CPED1: variants seen among roughly 807,000 people sequenced by gnomAD.
CPED1 encodes the protein cadherin like and PC-esterase domain containing 1, also known as cadherin-like and PC-esterase domain-containing protein 1.
Under a neutral mutation model 128.2 loss-of-function variants are expected in CPED1, and 114 were observed. The ratio of observed to expected loss-of-function variants is 0.89; its 90% CI spans 0.76 to 1.04. The LOEUF (loss-of-function observed/expected upper bound fraction) is 1.04. Ranked by LOEUF, CPED1 falls within the 50% of genes least tolerant of loss-of-function variation. The probability of loss-of-function intolerance (pLI) is 0.00; values close to 1 mark genes in which losing one functional copy is unlikely to be tolerated. For synonymous variants in CPED1, 462 were observed against 426.7 expected (o/e 1.08, Z -1.02); for missense variants, 1,211 against 1,207.1 (o/e 1.00, Z -0.05).
chr7:121,088,395 C>A (rs1046354867), intron 5 of CPED1, among the ~76,000 whole-genome samples: 1 of 152,136 alleles, frequency 6.6e-6, no homozygotes, highest in East Asian at 1.9e-4. Flanking sequence ...CGCAGTGGCT[C>A]ACGCCTGTAA....
At chr7:121,219,973 T>C (rs993491813) in intron 16 of CPED1, among the ~76,000 whole-genome samples, 3 of 152,060 alleles carry the variant, frequency 2.0e-5, no homozygotes, top group African/African-American at 7.2e-5. Flanking sequence ...TAGGTAAACC[T>C]TGTTCACTGC....
chr7:120,990,140 A>G (rs1272637714), intron 2 of CPED1, among the ~76,000 whole-genome samples: 2 of 152,186 alleles, frequency 1.3e-5, no homozygotes, highest in African/African-American at 2.4e-5. Context: ...GAGGCATAAA[A>G]TGATGTGGAT....
At chr7:121,019,852 C>T (rs567915563) in intron 3 of CPED1, among the ~76,000 whole-genome samples, 22 of 152,048 alleles carry the variant, frequency 1.4e-4, no homozygotes, top group Admixed American at 3.3e-4. Flanking sequence ...GATAGAAGCA[C>T]CATTCAATTA....
chr7:121,269,873 C>T (rs1792198552), intron 21 of CPED1, among the ~76,000 whole-genome samples: 1 of 152,020 alleles, frequency 6.6e-6, no homozygotes, highest in Non-Finnish European at 1.5e-5. Flanking sequence ...GCTCACTGTT[C>T]TGCAGACTAT....
At chr7:121,169,498 A>T (rs28532880) in intron 16 of CPED1, among the ~76,000 whole-genome samples, 15,875 of 152,212 alleles carry the variant, frequency 0.1, 1,393 homozygotes, top group African/African-American at 0.24. Context: ...TTAAGTTCTG[A>T]TAATGATTAA....
chr7:121,259,172 G>T (rs189920140), intron 18 of CPED1, among the ~76,000 whole-genome samples: 3 of 152,088 alleles, frequency 2.0e-5, no homozygotes, highest in African/African-American at 7.2e-5. Context: ...AAGCCCACCT[G>T]CCTATAGGGA....
At chr7:121,114,265 A>G (rs1418013097) in intron 7 of CPED1, among the ~76,000 whole-genome samples, 3 of 152,248 alleles carry the variant, frequency 2.0e-5, no homozygotes, top group Non-Finnish European at 4.4e-5. Flanking sequence ...TCAGATCTCC[A>G]GTGACTAAAA....
intron 6 of CPED1, among the ~76,000 whole-genome samples, chr7:121,098,469 T>TG (rs1225259867): frequency 6.6e-6 from 1 of 151,940 alleles, no homozygotes; most frequent in Non-Finnish European, 1.5e-5. Context: ...CAGTGGCTCA[T>TG]GCCTGGGATC....
At position 121,266,461 on chromosome 7, in the gene CPED1, A is replaced by G. The variant is rs1296787724; in HGVS notation, c.2531+14A>G. 3.8e-6 allele frequency: 6 copies of G among 1,597,068 alleles called. No homozygotes were observed. Among genetic ancestry groups the G allele is most frequent in the African/African-American group, 1.3e-5 (1 of 74,538 alleles). On this transcript the variant is annotated intron_variant, in intron 19 of 22. Transcript: ENST00000310396. ...CCTCTTGCAAAGGTACAATGAAACT[A>G]TAATGAAAGACACAAAACCCACAAA...
chr7:121,071,068 C>G (rs1793977350), intron 5 of CPED1, among the ~76,000 whole-genome samples: 2 of 152,090 alleles, frequency 1.3e-5, no homozygotes, highest in African/African-American at 4.8e-5. Flanking sequence ...GGCCAGATAA[C>G]CTGCACCTTT....
intron 3 of CPED1, among the ~76,000 whole-genome samples, chr7:121,027,071 G>A (rs1018441675): frequency 6.6e-6 from 1 of 151,270 alleles, no homozygotes; most frequent in South Asian, 2.1e-4. Flanking sequence ...GAACTACTGG[G>A]CTCAAGCAAT....
At chr7:121,251,137 C>G (rs1259115551) in intron 18 of CPED1, among the ~76,000 whole-genome samples, 3 of 152,164 alleles carry the variant, frequency 2.0e-5, no homozygotes, top group African/African-American at 7.2e-5. Context: ...GGGCTTCATC[C>G]CTGGGATGCA....
At chr7:121,135,249 GA>G (rs1328381582) in intron 13 of CPED1, among the ~76,000 whole-genome samples, 1 of 151,742 alleles carries the variant, frequency 6.6e-6, no homozygotes, top group African/African-American at 2.4e-5. Flanking sequence ...ATTTTAAAAA[GA>G]AAAAAAGTGA....
At chr7:120,990,624 A>G (rs1271403874) in intron 2 of CPED1, among the ~76,000 whole-genome samples, 1 of 152,210 alleles carries the variant, frequency 6.6e-6, no homozygotes, top group Non-Finnish European at 1.5e-5. Context: ...AGTCAAGTGT[A>G]AAACAGAACA....
In CPED1 at chr7:121,014,721, T is replaced by C. The variant is rs78060428; in HGVS notation, c.250-944T>C. 2.2e-3 allele frequency among the ~76,000 whole-genome samples: 338 copies of C among 152,206 alleles called. 3 individuals carry two copies. Among genetic ancestry groups the C allele is most frequent in the African/African-American group, 7.7e-3 (320 of 41,546 alleles). On this transcript the variant is annotated intron_variant, in intron 2 of 22. Transcript: ENST00000310396. Reference sequence around the variant, plus strand: ...TGGACAGGTTGACTCACAGCTGTCATTGCAAGTAATTTAGATTCCCAATTG... The same window carrying C: ...TGGACAGGTTGACTCACAGCTGTCACTGCAAGTAATTTAGATTCCCAATTG...
At chr7:121,067,567 A>T (rs1475150883) in intron 5 of CPED1, among the ~76,000 whole-genome samples, 1 of 152,066 alleles carries the variant, frequency 6.6e-6, no homozygotes, top group Non-Finnish European at 1.5e-5. Flanking sequence ...AGTGCCGCAA[A>T]AAACATACGT....
At chr7:121,273,924 G>A (rs1792283204) in intron 22 of CPED1, among the ~76,000 whole-genome samples, 2 of 152,260 alleles carry the variant, frequency 1.3e-5, no homozygotes, top group South Asian at 2.1e-4. Context: ...GATCACAGCT[G>A]GCTAAAAAAG....
At chr7:121,201,653 A>G (rs2116565810) in intron 16 of CPED1, among the ~76,000 whole-genome samples, 1 of 152,194 alleles carries the variant, frequency 6.6e-6, no homozygotes, top group Admixed American at 6.5e-5. Flanking sequence ...TCATACCTCT[A>G]CCTGGTAAGC....
intron 7 of CPED1, among the ~76,000 whole-genome samples, chr7:121,109,293 G>A (rs1461348043): frequency 2.0e-5 from 3 of 152,068 alleles, no homozygotes; most frequent in African/African-American, 7.2e-5. Flanking sequence ...TCTGCCTATA[G>A]GGCGGTCATT....
Sources: gnomAD v4.1 joint callset for allele counts (sites outside exome capture counted in the v4.1 genomes callset) on GRCh38, gnomAD v4.1.1 for gene constraint, MANE v1.5 for transcripts, NCBI Gene and HGNC (gene_info 2026-07-23, HGNC 2026-07-21) for gene names.